PNPLA1: variants seen among roughly 807,000 people sequenced by gnomAD.
The protein encoded by PNPLA1 is omega-hydroxyceramide transacylase.
Under a neutral mutation model 51.7 loss-of-function variants are expected in PNPLA1, and 36 were observed. That is an observed-to-expected ratio of 0.70 (90% CI 0.53 to 0.92). The LOEUF is 0.92. Ranked by LOEUF, PNPLA1 falls within the 40% of genes least tolerant of loss-of-function variation. The pLI is 0.00. For missense variants in PNPLA1, 658 were observed against 682.5 expected, an observed-to-expected ratio of 0.96 and a Z score of 0.40; for synonymous variants, 293 against 280.1, an observed-to-expected ratio of 1.05 and a Z score of -0.46.
chr6:36,246,540 A>G (rs1199556478), intron 1 of PNPLA1, among the ~76,000 whole-genome samples: 5 of 152,112 alleles, frequency 3.3e-5, no homozygotes, highest in Admixed American at 2.6e-4. Context: ...AATCAATTAC[A>G]TTAGTTATAT....
intron 1 of PNPLA1, among the ~76,000 whole-genome samples, chr6:36,258,138 T>C (rs1034132034): frequency 5.3e-5 from 8 of 152,180 alleles, no homozygotes; most frequent in African/African-American, 1.4e-4. Flanking sequence ...AGCTGAAATC[T>C]TAGTTTAGAT....
intron 1 of PNPLA1, among the ~76,000 whole-genome samples, chr6:36,279,586 A>C (rs1770215034): frequency 6.6e-6 from 1 of 152,186 alleles, no homozygotes; most frequent in Non-Finnish European, 1.5e-5. Context: ...CCCAGGAAGG[A>C]GGAGGGCTAG....
At chr6:36,258,502 T>C (rs1408512875) in intron 1 of PNPLA1, among the ~76,000 whole-genome samples, 6 of 152,242 alleles carry the variant, frequency 3.9e-5, no homozygotes, top group African/African-American at 1.4e-4. Context: ...CTCCAGAGTT[T>C]TCATAGTTGT....
At position 36,291,308 on chromosome 6, in the gene PNPLA1, C is replaced by T. The variant is rs780484307; in HGVS notation, c.206-12C>T. 2 of 1,611,424 alleles carry T rather than the reference C, an allele frequency of 1.2e-6. No individual in the cohort carries two copies. Among genetic ancestry groups the T allele is most frequent in the Non-Finnish European group, 1.7e-6 (2 of 1,178,336 alleles). The stretch of plus-strand genomic sequence containing the variant: ...GGCACCGACCACCCCCTCTTCTCTG[C>T]TTCCTTTGCAGATGAGTATCTCAGA... On this transcript the variant is annotated splice_polypyrimidine_tract_variant and intron_variant, in intron 1 of 8. Transcript: ENST00000636260.
chr6:36,248,786 T>G (rs1769360024), intron 1 of PNPLA1, among the ~76,000 whole-genome samples: 1 of 152,204 alleles, frequency 6.6e-6, no homozygotes, highest in Non-Finnish European at 1.5e-5. Flanking sequence ...CCCAAAGTGC[T>G]GAGATTACAG....
rs566637194 is a variant in PNPLA1, at chr6:36,289,806, T to C, written c.206-1514T>C. On this transcript the variant is annotated intron_variant, in intron 1 of 8. Coordinates refer to ENST00000636260, the MANE Select transcript of PNPLA1 (RefSeq NM_001374623.1). ...GTCTGTAAAATGGTGCTGAAGCTTT[T>C]CTTACTCACCTCCAGGACTGGGGTG... Among the ~76,000 whole-genome samples, 4 of 152,328 alleles carry C rather than the reference T, an allele frequency of 2.6e-5. No homozygotes were observed. The East Asian group carries it at 7.7e-4, about 29-fold the overall frequency.
chr6:36,254,499 C>T (rs971195789), intron 1 of PNPLA1, among the ~76,000 whole-genome samples: 9 of 151,734 alleles, frequency 5.9e-5, no homozygotes, highest in Non-Finnish European at 2.9e-5. Context: ...CACTTGAGCC[C>T]ATGAGTTCAA....
At chr6:36,288,141 T>C (rs141564332) in intron 1 of PNPLA1, among the ~76,000 whole-genome samples, 47 of 152,326 alleles carry the variant, frequency 3.1e-4, no homozygotes, top group African/African-American at 1.0e-3. Flanking sequence ...CCTAGCATCC[T>C]CACTTCTAGG....
intron 1 of PNPLA1, among the ~76,000 whole-genome samples, chr6:36,272,470 G>A (rs549023932): frequency 3.9e-5 from 6 of 152,350 alleles, no homozygotes; most frequent in Non-Finnish European, 5.9e-5. Flanking sequence ...CCACAGACCC[G>A]GGGCCATGGC....
rs560901405 is a variant in PNPLA1, at chr6:36,270,545, C to T, written c.86C>T (p.Ala29Val). Residue 29 changes from alanine (A) to valine (V), a missense_variant, in exon 1 of 9, where the codon GCG becomes GTG. Transcript: ENST00000636260. ...AGTGGATTCCTCTCCTTCTACCAGG[C>T]GGGGGCTGTGGACGCCCTGCGGGAC... ...SGSGFLSFYQ[A>V]GAVDALRDLA... 3.2e-5 allele frequency: 50 copies of T among 1,551,598 alleles called. No individual in the cohort carries two copies. Among genetic ancestry groups the T allele is most frequent in the African/African-American group, 1.8e-4 (13 of 73,182 alleles).
chr6:36,274,349 G>A (rs542064215), intron 1 of PNPLA1, among the ~76,000 whole-genome samples: 5 of 152,250 alleles, frequency 3.3e-5, no homozygotes, highest in African/African-American at 4.8e-5. Flanking sequence ...AGGCAGGGTC[G>A]GGGAGTCTCT....
chr6:36,305,209 T>A (rs1182869232), intron 6 of PNPLA1, among the ~76,000 whole-genome samples: 1 of 152,194 alleles, frequency 6.6e-6, no homozygotes, highest in Non-Finnish European at 1.5e-5. Context: ...TTTCAGCTCA[T>A]CAGCTATCAT....
chr6:36,253,073 G>A (rs898872630), intron 1 of PNPLA1, among the ~76,000 whole-genome samples: 4 of 152,144 alleles, frequency 2.6e-5, no homozygotes, highest in African/African-American at 7.2e-5. Context: ...CCAGCTACTC[G>A]GGAGGCTGAG....
At chr6:36,268,224 A>C (rs542601469), upstream of PNPLA1, among the ~76,000 whole-genome samples, 3 of 152,068 alleles carry the variant, frequency 2.0e-5, no homozygotes, top group Non-Finnish European at 4.4e-5. Flanking sequence ...TCTGGGGTCT[A>C]TCTGTTCCAG....
intron 8 of PNPLA1, among the ~76,000 whole-genome samples, chr6:36,310,564 A>G (rs1172815774): frequency 1.3e-5 from 2 of 152,218 alleles, no homozygotes; most frequent in Non-Finnish European, 2.9e-5. Context: ...TCCGATGTGA[A>G]TGTAATAATA....
At chr6:36,271,180 G>T (rs1561854148) in intron 1 of PNPLA1, among the ~76,000 whole-genome samples, 1 of 152,204 alleles carries the variant, frequency 6.6e-6, no homozygotes, top group Non-Finnish European at 1.5e-5. Flanking sequence ...ACAGGAGGGA[G>T]CCCAGAGTGG....
At chr6:36,297,865 T>TACACAC (rs112771131) in intron 5 of PNPLA1, among the ~76,000 whole-genome samples, 11,436 of 133,716 alleles carry the variant, frequency 0.086, 505 homozygotes, top group Middle Eastern at 0.15. Context: ...TGTCTCTCTG[T>TACACAC]ACACACACAC....
At chr6:36,292,353 A>C (rs1582080391) in intron 2 of PNPLA1, among the ~76,000 whole-genome samples, 6 of 149,378 alleles carry the variant, frequency 4.0e-5, no homozygotes, top group East Asian at 2.0e-4. Context: ...CCTCACGCCC[A>C]CCCCCGTTCT....
At position 36,306,325 on chromosome 6, in the gene PNPLA1, G is replaced by C. The variant is rs1222940562; in HGVS notation, c.1418G>C (p.Ser473Thr). Residue 473 changes from serine to threonine, a missense_variant, in exon 7 of 9, where the codon AGC becomes ACC. Transcript: ENST00000636260. ...CTTCTTGTCTCTTCAAAACCAAAAA[G>C]CGCCGTGCCTCTGGTTCATGTGAAG... is the stretch of plus-strand genomic sequence containing the variant. ...VALLVSSKPK[S>T]AVPLVHVKET... is the part of the protein sequence containing the mutation. 4 of 1,612,910 alleles carry C rather than the reference G, an allele frequency of 2.5e-6. No homozygotes were observed. Among genetic ancestry groups the C allele is most frequent in the Admixed American group, 1.7e-5 (1 of 59,822 alleles).
Sources: gnomAD v4.1 joint callset for allele counts (sites outside exome capture counted in the v4.1 genomes callset) on GRCh38, gnomAD v4.1.1 for gene constraint, MANE v1.5 for transcripts, NCBI Gene and HGNC (gene_info 2026-07-23, HGNC 2026-07-21) for gene names.